Variants in WDR33 observed in about 807,000 individuals in gnomAD.
The protein encoded by WDR33 is WD repeat domain 33, also known as pre-mRNA 3' end processing protein WDR33.
In WDR33, 47 loss-of-function variants were observed where a neutral mutation model predicts 164.9. That is an observed-to-expected ratio of 0.29 (90% CI 0.23 to 0.36). The LOEUF is 0.36. WDR33 is among the 10% of genes least tolerant of loss of function. The probability of loss-of-function intolerance (pLI) is 1.00; values close to 1 mark genes in which losing one functional copy is unlikely to be tolerated. For synonymous variants in WDR33, 505 were observed against 589.0 expected (o/e 0.86, Z 2.06); for missense variants, 1,137 against 1,754.1 (o/e 0.65, Z 6.28).
intron 7 of WDR33, among the ~76,000 whole-genome samples, chr2:127,754,450 C>T (rs1300938319): frequency 1.3e-5 from 2 of 152,114 alleles, no homozygotes; most frequent in Non-Finnish European, 2.9e-5. Context: ...ACAGGGTCTC[C>T]CTCTGTCATT....
Position 127,805,913 on chromosome 2 carries a change from T to C in WDR33, c.-24+5099A>G, listed in dbSNP as rs544123881. ...CTGGAATGAAGTGTCGTCTTGAAGC[T>C]GGAGTCTACTGCACATTAAAGAATA... is the stretch of plus-strand genomic sequence containing the variant. On this transcript the variant is annotated intron_variant, in intron 1 of 21. Transcript: ENST00000322313. Among the ~76,000 whole-genome samples the C allele has an allele frequency of 1.1e-4, 16 of 150,996 alleles. No individual in the cohort carries two copies. The East Asian group carries it at 3.1e-3, about 30-fold the overall frequency.
Position 127,709,795 on chromosome 2 carries a change from A to C in WDR33, c.3370T>G (p.Phe1124Val), listed in dbSNP as rs1222761609. 3 of 1,614,048 alleles carry C rather than the reference A, an allele frequency of 1.9e-6. No homozygotes were observed. Among genetic ancestry groups the C allele is most frequent in the Non-Finnish European group, 2.5e-6 (3 of 1,180,050 alleles). ...GRAPPRGRDG[F>V]PGPEDFGPEE... ...GGACCAAAGTCTTCAGGACCAGGAA[A>C]ACCATCCCTTCCTCTGGGGGGAGCA... is the stretch of plus-strand genomic sequence containing the variant. Residue 1124 changes from phenylalanine (F) to valine (V), a missense_variant, in exon 19 of 22, where the codon TTT (phenylalanine) becomes GTT (valine). Coordinates refer to ENST00000322313, the MANE Select transcript of WDR33 (RefSeq NM_018383.5). The surrounding 1 kb of genome is among the most constrained non-coding windows in gnomAD (Gnocchi z 5.0).
rs1410641145 is a variant in WDR33 at position 127,797,071 on chromosome 2, T to G, written c.-24+13941A>C. On this transcript the variant is annotated intron_variant, in intron 1 of 21. Coordinates refer to ENST00000322313, the MANE Select transcript of WDR33 (RefSeq NM_018383.5). The stretch of plus-strand genomic sequence containing the variant: ...CATGAATGTCCATGAATGATCACCA[T>G]GGCAGGGAAAATTTTCCTTGCAAAT... Among the ~76,000 whole-genome samples the G allele has an allele frequency of 1.3e-5, 2 of 152,068 alleles. 1 individual carries two copies. The highest frequency in any genetic ancestry group is 4.8e-5 in the African/African-American group (2 of 41,330).
intron 7 of WDR33, among the ~76,000 whole-genome samples, chr2:127,734,176 A>G (rs1686781034): frequency 6.6e-6 from 1 of 152,258 alleles, no homozygotes. Flanking sequence ...ATAAGTAAAC[A>G]TATTGATTCT....
At chr2:127,762,143 A>G (rs1687697392) in intron 7 of WDR33, among the ~76,000 whole-genome samples, 1 of 152,088 alleles carries the variant, frequency 6.6e-6, no homozygotes, top group Admixed American at 6.6e-5. Context: ...CGTAGCACCC[A>G]TCCTCCCACC....
At chr2:127,756,319 G>A (rs1023921303) in intron 7 of WDR33, among the ~76,000 whole-genome samples, 1 of 133,328 alleles carries the variant, frequency 7.5e-6, no homozygotes, top group African/African-American at 2.9e-5. Flanking sequence ...GGGCAACAGA[G>A]CAAGATTCCA....
At chr2:127,743,508 C>T (rs916636552) in intron 7 of WDR33, among the ~76,000 whole-genome samples, 1 of 152,112 alleles carries the variant, frequency 6.6e-6, no homozygotes, top group East Asian at 1.9e-4. Flanking sequence ...AGCAGAAATG[C>T]TATCTTTTTT....
In WDR33 at chr2:127,726,332, T is replaced by C. The variant is rs533180564; in HGVS notation, c.851+319A>G. On this transcript the variant is annotated intron_variant, in intron 8 of 21. Coordinates refer to ENST00000322313, the MANE Select transcript of WDR33 (RefSeq NM_018383.5). The surrounding 1 kb of genome is among the most constrained non-coding windows in gnomAD (Gnocchi z 4.8). ...TCTAGTAAGGGGCACACACGTCAAC[T>C]CCTCACAGTGCCACAAGGTATTCTG... 6.6e-6 allele frequency among the ~76,000 whole-genome samples: 1 copy of C among 152,256 alleles called. No homozygotes were observed. The highest frequency in any genetic ancestry group is 1.5e-5 in the Non-Finnish European group (1 of 68,024).
intron 1 of WDR33, chr2:127,799,127 G>A (rs1006692757): frequency 2.0e-5 from 3 of 152,110 alleles, no homozygotes; most frequent in Admixed American, 2.0e-4. Flanking sequence ...AAAATCAGTT[G>A]CTTAACCAAT....
intron 7 of WDR33, among the ~76,000 whole-genome samples, chr2:127,761,554 G>A (rs1318065952): frequency 6.6e-6 from 1 of 152,134 alleles, no homozygotes; most frequent in Non-Finnish European, 1.5e-5. Flanking sequence ...AAGTTTCCAG[G>A]ATTTTAAAAA....
In WDR33 at chr2:127,788,231, T is replaced by C. The variant is rs569757589; in HGVS notation, c.-23-17227A>G. On this transcript the variant is annotated intron_variant, in intron 1 of 21. Coordinates refer to ENST00000322313, the MANE Select transcript of WDR33 (RefSeq NM_018383.5). ...CCACCTCCCTCCCGGACAGGGCGGC[T>C]GGCCAGGCAGGGGGCTGACCCCCCC... Among the ~76,000 whole-genome samples the C allele has an allele frequency of 6.5e-3, 782 of 120,170 alleles. 10 individuals are homozygous for C. Among genetic ancestry groups the C allele is most frequent in the Non-Finnish European group, 6.9e-3 (405 of 58,308 alleles). 78.8% of individuals were successfully genotyped at this position (120,170 alleles called of 152,430 possible).
chr2:127,760,013 T>C (rs1387030454), intron 7 of WDR33, among the ~76,000 whole-genome samples: 2 of 152,204 alleles, frequency 1.3e-5, no homozygotes, highest in African/African-American at 2.4e-5. Flanking sequence ...CGGCCTGCCA[T>C]GTGAATTAAG....
At chr2:127,762,717 T>G in intron 7 of WDR33, 1 of 1,037,240 alleles carries the variant, frequency 9.6e-7, no homozygotes, top group Non-Finnish European at 1.2e-6. Flanking sequence ...GAATGACGGC[T>G]ATCTAAATCA....
rs754281143 is a variant in WDR33, at chr2:127,726,719, T to C, written c.783A>G (p.Ser261=). 1.9e-6 allele frequency: 3 copies of C among 1,614,072 alleles called. No homozygotes were observed. The African/African-American group carries it at 4.0e-5, about 22-fold the overall frequency. The change falls in exon 8 of 22, where the codon TCA becomes TCG. Residue 261 remains serine (S), a synonymous_variant. Transcript: ENST00000322313. The surrounding 1 kb of genome is among the most constrained non-coding windows in gnomAD (Gnocchi z 4.8). ...TTGGCTGTTGACTATCTTTACTTCC[T>C]GAAACAACTAACCCTTTGGTTGGAT... The part of the protein sequence containing the change: ...DWHPTKGLVV[S]GSKDSQQPIK...
rs1425415249 is a variant in WDR33 at position 127,712,534 on chromosome 2, G to A, written c.3308+1049C>T. 2.0e-5 allele frequency among the ~76,000 whole-genome samples: 3 copies of A among 152,186 alleles called. No homozygotes were observed. Among genetic ancestry groups the A allele is most frequent in the Admixed American group, 6.5e-5 (1 of 15,276 alleles). On this transcript the variant is annotated intron_variant, in intron 18 of 21. Coordinates refer to ENST00000322313, the MANE Select transcript of WDR33 (RefSeq NM_018383.5). The surrounding 1 kb of genome is among the most constrained non-coding windows in gnomAD (Gnocchi z 4.0). Reference sequence around the variant, plus strand: ...TGACACCTACCACCTGCCAGACCTCGGAAAGTCAAGACACTGCTCTTATTC... The same window carrying A: ...TGACACCTACCACCTGCCAGACCTCAGAAAGTCAAGACACTGCTCTTATTC...
chr2:127,797,010 C>A (rs1487497806), intron 1 of WDR33, among the ~76,000 whole-genome samples: 8 of 152,012 alleles, frequency 5.3e-5, no homozygotes. Context: ...AATCAATACT[C>A]ACAGTGCACC....
chr2:127,782,898 A>G (rs1466857643), intron 1 of WDR33, among the ~76,000 whole-genome samples: 1 of 152,172 alleles, frequency 6.6e-6, no homozygotes, highest in Non-Finnish European at 1.5e-5. Flanking sequence ...AGTCCCAGCT[A>G]CTTGGGAGAC....
At position 127,741,707 on chromosome 2, in the gene WDR33, A is replaced by T. The variant is rs1687020433; in HGVS notation, c.725-14930T>A. ...CAAGTACCAGGAAAGAGAAAAATAC[A>T]GATTATATGACTTTAGGGAAAACAA... On this transcript the variant is annotated intron_variant, in intron 7 of 21. Coordinates refer to ENST00000322313, the MANE Select transcript of WDR33 (RefSeq NM_018383.5). The surrounding 1 kb of genome is among the most constrained non-coding windows in gnomAD (Gnocchi z 4.1). Among the ~76,000 whole-genome samples, 1 of 152,234 alleles carries T rather than the reference A, an allele frequency of 6.6e-6. No homozygotes were observed. The highest frequency in any genetic ancestry group is 6.5e-5 in the Admixed American group (1 of 15,280).
chr2:127,765,090 G>A, intron 5 of WDR33, 84 bp downstream of exon 5: 1 of 1,554,684 alleles, frequency 6.4e-7, no homozygotes, highest in South Asian at 1.1e-5. Context: ...CCAATTCTAA[G>A]TTTAACAATG....
Sources: allele counts gnomAD v4.1 joint callset (sites outside exome capture counted in the v4.1 genomes callset), GRCh38; gene constraint gnomAD v4.1.1; non-coding constraint Gnocchi (gnomAD v3.1); transcripts MANE v1.5; gene names NCBI Gene and HGNC (gene_info 2026-07-23, HGNC 2026-07-21).